Variants in ZCCHC7 observed in about 807,000 individuals in gnomAD.
ZCCHC7 encodes the protein zinc finger CCHC domain-containing protein 7.
Under a neutral mutation model 52.0 loss-of-function variants are expected in ZCCHC7, and 35 were observed. The observed-to-expected ratio is 0.67, with a 90% CI of 0.51 to 0.89. The LOEUF (loss-of-function observed/expected upper bound fraction) is 0.89. ZCCHC7 is among the 40% of genes least tolerant of loss of function. The pLI is 0.00. For missense variants in ZCCHC7, 574 were observed against 649.1 expected (o/e 0.88, Z 1.26); for synonymous variants, 217 against 221.5 (o/e 0.98, Z 0.18).
intron 6 of ZCCHC7, among the ~76,000 whole-genome samples, chr9:37,338,194 G>A (rs2118422786): frequency 6.6e-6 from 1 of 152,144 alleles, no homozygotes; most frequent in East Asian, 1.9e-4. Context: ...GGAGTGTCCT[G>A]TTTACAAAAA....
intron 1 of ZCCHC7, among the ~76,000 whole-genome samples, chr9:37,125,394 C>G (rs565612303): frequency 6.6e-6 from 1 of 151,632 alleles, no homozygotes; most frequent in African/African-American, 2.4e-5. Context: ...CTAACCTCAA[C>G]GTGATCCTCC....
chr9:37,124,532 G>A (rs1372222015), intron 1 of ZCCHC7, among the ~76,000 whole-genome samples: 1 of 152,122 alleles, frequency 6.6e-6, no homozygotes, highest in Non-Finnish European at 1.5e-5. Context: ...AGTGCATATA[G>A]TTCCTGCCCT....
At chr9:37,296,717 C>T (rs956398283) in intron 2 of ZCCHC7, among the ~76,000 whole-genome samples, 2 of 151,984 alleles carry the variant, frequency 1.3e-5, no homozygotes, top group African/African-American at 4.8e-5. Flanking sequence ...ATTTATTTAT[C>T]GCGAAGGTTG....
At chr9:37,221,196 C>A (rs1167536491) in intron 2 of ZCCHC7, among the ~76,000 whole-genome samples, 1 of 151,984 alleles carries the variant, frequency 6.6e-6, no homozygotes, top group African/African-American at 2.4e-5. Flanking sequence ...TTAGGGCAGG[C>A]CTAGAGAAAT....
intron 6 of ZCCHC7, among the ~76,000 whole-genome samples, chr9:37,340,285 TAGCAGATGGG>T (rs1564265764): frequency 6.6e-6 from 1 of 152,026 alleles, no homozygotes. Context: ...TCAGCAAGAA[TAGCAGATGGG>T]ATGGACCTTT....
At chr9:37,180,005 T>TAGGC in intron 2 of ZCCHC7, among the ~76,000 whole-genome samples, 1 of 152,310 alleles carries the variant, frequency 6.6e-6, no homozygotes, top group Non-Finnish European at 1.5e-5. Context: ...ATTGTATGTA[T>TAGGC]AGGCCATAAG....
intron 2 of ZCCHC7, among the ~76,000 whole-genome samples, chr9:37,195,768 G>A (rs1823259084): frequency 6.6e-6 from 1 of 152,182 alleles, no homozygotes; most frequent in Non-Finnish European, 1.5e-5. Context: ...TACCTACAAA[G>A]CTCATAATTT....
chr9:37,281,169 C>T (rs541811614), intron 2 of ZCCHC7, among the ~76,000 whole-genome samples: 2 of 152,260 alleles, frequency 1.3e-5, no homozygotes, highest in East Asian at 3.9e-4. Context: ...GCGTACATCA[C>T]TATGGCCAGC....
intron 1 of ZCCHC7, among the ~76,000 whole-genome samples, chr9:37,125,157 G>C (rs1210928847): frequency 1.3e-5 from 2 of 151,442 alleles, no homozygotes; most frequent in Non-Finnish European, 3.0e-5. Context: ...GCCCACCCTT[G>C]TTTTATTTTT....
chr9:37,349,411 G>C lies in ZCCHC7; in HGVS notation c.1042G>C (p.Ala348Pro). 6.2e-7 allele frequency: 1 copy of C among 1,614,062 alleles called. No individual in the cohort carries two copies. Among genetic ancestry groups the C allele is most frequent in the South Asian group, 1.1e-5 (1 of 91,068 alleles). Reference protein sequence around the residue: ...PKTPSRPSALAYCYHCAQKGH... With the variant: ...PKTPSRPSALPYCYHCAQKGH... ...GACCCCTTCAAGACCATCAGCCTTA[G>C]CATATTGCTATCACTGCGCGCAAAA... The change falls in exon 7 of 9, where the codon GCA becomes CCA. Residue 348 changes from alanine (A) to proline (P), a missense_variant. Transcript: ENST00000336755.
chr9:37,133,854 G>A (rs1349130943), intron 2 of ZCCHC7, among the ~76,000 whole-genome samples: 1 of 152,200 alleles, frequency 6.6e-6, no homozygotes. Flanking sequence ...CTCCCAAAGT[G>A]CCAGAATTAT....
intron 2 of ZCCHC7, among the ~76,000 whole-genome samples, chr9:37,282,132 T>G (rs1262374609): frequency 6.6e-6 from 1 of 152,174 alleles, no homozygotes; most frequent in African/African-American, 2.4e-5. Context: ...GTACCCTCCA[T>G]GTTTTCTATC....
At chr9:37,293,686 G>C (rs567447661) in intron 2 of ZCCHC7, among the ~76,000 whole-genome samples, 52 of 151,970 alleles carry the variant, frequency 3.4e-4, no homozygotes, top group African/African-American at 1.2e-3. Context: ...TTTCTTTCTT[G>C]TTTCTTAGTA....
At position 37,357,257 on chromosome 9, in the gene ZCCHC7, A is replaced by T. The variant is rs1481579998; in HGVS notation, c.1621A>T (p.Lys541Ter). 2 of 1,592,578 alleles carry T rather than the reference A, an allele frequency of 1.3e-6. No homozygotes were observed. The highest frequency in any genetic ancestry group is 1.7e-6 in the Non-Finnish European group (2 of 1,173,922). ...DNLFLIKQRK[K>*]KS ...CTTATTTCTTATTAAGCAGAGAAAA[A>T]AAAAGTCTTAAGCCGTCAGGCAGCC... is the stretch of plus-strand genomic sequence containing the variant. Residue 541 changes from lysine (K) to a stop codon, truncating the protein, a stop_gained, in exon 9 of 9, where the codon AAA becomes TAA. Coordinates refer to ENST00000336755, the MANE Select transcript of ZCCHC7 (RefSeq NM_032226.3). LOFTEE classifies it high-confidence loss of function.
intron 2 of ZCCHC7, among the ~76,000 whole-genome samples, chr9:37,229,399 A>G (rs1202413465): frequency 2.0e-5 from 3 of 152,200 alleles, no homozygotes. Context: ...TTGTGTGAAC[A>G]TCATGGAGTA....
chr9:37,152,265 A>G (rs948062958), intron 2 of ZCCHC7, among the ~76,000 whole-genome samples: 1 of 151,232 alleles, frequency 6.6e-6, no homozygotes, highest in Non-Finnish European at 1.5e-5. Flanking sequence ...TTTTAGAAAA[A>G]TTGGTTTACA....
chr9:37,180,552 TTGG>T (rs565632390), intron 2 of ZCCHC7, among the ~76,000 whole-genome samples: 123 of 152,276 alleles, frequency 8.1e-4, no homozygotes, highest in African/African-American at 2.9e-3. Flanking sequence ...TGTATTTACT[TTGG>T]TGGAATATTT....
intron 2 of ZCCHC7, among the ~76,000 whole-genome samples, chr9:37,192,440 T>A (rs113890658): frequency 6.6e-6 from 1 of 152,230 alleles, no homozygotes; most frequent in African/African-American, 2.4e-5. Flanking sequence ...AGATCAGGTG[T>A]GTATTACAGG....
At chr9:37,132,676 C>T (rs910185698) in intron 2 of ZCCHC7, among the ~76,000 whole-genome samples, 2 of 152,134 alleles carry the variant, frequency 1.3e-5, no homozygotes, top group South Asian at 4.2e-4. Context: ...TATGGATGCT[C>T]AAGTCCCTGA....
Sources: allele counts gnomAD v4.1 joint callset (sites outside exome capture counted in the v4.1 genomes callset), GRCh38; gene constraint gnomAD v4.1.1; transcripts MANE v1.5; gene names NCBI Gene and HGNC (gene_info 2026-07-23, HGNC 2026-07-21).